HGSNAT: variants seen among roughly 807,000 people sequenced by gnomAD.
The protein encoded by HGSNAT is heparan-alpha-glucosaminide N-acetyltransferase, also known as transmembrane protein 76.
HGSNAT carries 59 observed loss-of-function variants against 85.2 expected under a neutral mutation model. The ratio of observed to expected loss-of-function variants is 0.69; its 90% CI spans 0.56 to 0.86. HGSNAT has a LOEUF of 0.86. Among genes scored for constraint, HGSNAT ranks in the 40% least tolerant of loss-of-function variants. HGSNAT has a pLI of 0.00. For synonymous variants in HGSNAT, 321 were observed against 304.5 expected, an observed-to-expected ratio of 1.05 and a Z score of -0.56; for missense variants, 756 against 777.1, an observed-to-expected ratio of 0.97 and a Z score of 0.32.
At chr8:43,146,802 A>T in intron 1 of HGSNAT, 146 bp from the exon 2 acceptor site, 1 of 586,984 alleles carries the variant, frequency 1.7e-6, no homozygotes, top group East Asian at 2.8e-5. Context: ...TACACAAAGT[A>T]ATGTGTGAGA....
chr8:43,191,586 G>A lies in HGSNAT; in HGVS notation c.1241G>A (p.Gly414Glu). The A allele has an allele frequency of 3.7e-6, 6 of 1,613,856 alleles. No individual in the cohort carries two copies. The highest frequency in any genetic ancestry group is 5.1e-6 in the Non-Finnish European group (6 of 1,179,816). ...TTGACATTCCTCCTGCCAGTCCCTGGGTGCCCTACGTAAGCGAACCCCTGG... is the reference window on the plus strand; with the variant it reads ...TTGACATTCCTCCTGCCAGTCCCTGAGTGCCCTACGTAAGCGAACCCCTGG... The part of the protein sequence containing the change: ...LGLTFLLPVP[G>E]CPTGYLGPGG... Residue 414 changes from glycine to glutamate, a missense_variant, in exon 12 of 18, where the codon GGG becomes GAG. Physicochemically the swap from Gly to Glu is moderately conservative, Grantham distance 98 (BLOSUM62 -2). Transcript: ENST00000379644.
intron 11 of HGSNAT, among the ~76,000 whole-genome samples, chr8:43,185,622 C>T (rs1342757753): frequency 6.6e-6 from 1 of 152,108 alleles, no homozygotes; most frequent in Non-Finnish European, 1.5e-5. Context: ...AATTGAATAC[C>T]TTTTATTTCT....
chr8:43,179,869 G>A (rs1803987060), intron 10 of HGSNAT, among the ~76,000 whole-genome samples: 1 of 71,182 alleles, frequency 1.4e-5, no homozygotes, highest in Non-Finnish European at 3.0e-5. Context: ...CAGACGGGGC[G>A]GCTGGCCGGG....
Position 43,196,590 on chromosome 8 carries a change from A to C in HGSNAT, c.1465-358A>C, listed in dbSNP as rs559055342. 28 of 1,133,836 alleles carry C rather than the reference A, an allele frequency of 2.5e-5. No individual in the cohort carries two copies. In the Admixed American group the frequency reaches 5.5e-4, roughly 22 times the overall value. The allele number at this position is 1,133,836 out of a possible 1,614,324, so 70.2% of individuals were successfully genotyped here. A position where few individuals can be genotyped will look rare whatever the true frequency, so the allele number is the denominator to read the frequency against. On this transcript the variant is annotated intron_variant, in intron 14 of 17. Coordinates refer to ENST00000379644, the MANE Select transcript of HGSNAT (RefSeq NM_152419.3). ...TGACCTGGGCTTCTGCATTCCCTGC[A>C]GCAGTGGAGATGTGGTGTGGCTACC... is the stretch of plus-strand genomic sequence containing the variant.
intron 9 of HGSNAT, among the ~76,000 whole-genome samples, chr8:43,174,750 C>T (rs1202732928): frequency 6.6e-6 from 1 of 152,084 alleles, no homozygotes; most frequent in Admixed American, 6.5e-5. Flanking sequence ...CAGGCATTTA[C>T]CATTTTGTGT....
chr8:43,152,013 A>G (rs913425948), intron 2 of HGSNAT, among the ~76,000 whole-genome samples: 4 of 152,200 alleles, frequency 2.6e-5, no homozygotes, highest in African/African-American at 9.6e-5. Context: ...GGGAGGCTGG[A>G]TGCAGTGGTT....
At chr8:43,187,967 G>A (rs1363110088) in intron 11 of HGSNAT, among the ~76,000 whole-genome samples, 1 of 152,168 alleles carries the variant, frequency 6.6e-6, no homozygotes, top group African/African-American at 2.4e-5. Flanking sequence ...GTTGGATATT[G>A]GCCCCCACTG....
At chr8:43,190,034 A>G (rs1487357808) in intron 11 of HGSNAT, among the ~76,000 whole-genome samples, 2 of 152,228 alleles carry the variant, frequency 1.3e-5, no homozygotes, top group Non-Finnish European at 2.9e-5. Flanking sequence ...ACGTTTTGGT[A>G]TCTGTTCAAA....
At chr8:43,163,673 G>A (rs1268817436) in intron 5 of HGSNAT, among the ~76,000 whole-genome samples, 2 of 151,958 alleles carry the variant, frequency 1.3e-5, no homozygotes, top group Non-Finnish European at 1.5e-5. Flanking sequence ...TTACAGGCAC[G>A]TGACACCATG....
At chr8:43,158,778 CT>C in intron 3 of HGSNAT, 67 bp downstream of exon 3, 4 of 1,521,928 alleles carry the variant, frequency 2.6e-6, no homozygotes, top group Admixed American at 2.2e-5. Context: ...TTGGTTTTAG[CT>C]TTTTTTCTCT....
At chr8:43,146,056 C>G (rs899551851) in intron 1 of HGSNAT, among the ~76,000 whole-genome samples, 1 of 152,090 alleles carries the variant, frequency 6.6e-6, no homozygotes, top group African/African-American at 2.4e-5. Context: ...CAAATTGGCA[C>G]ACGTGATTTT....
chr8:43,194,103 A>C (rs1009053594), intron 14 of HGSNAT: 3 of 1,228,670 alleles, frequency 2.4e-6, no homozygotes, highest in Non-Finnish European at 3.1e-6. Context: ...TTTCTAGATA[A>C]AAGGTTTCCC....
At position 43,140,566 on chromosome 8, in the gene HGSNAT, GCC is replaced by G; in HGVS notation, c.74_75del (p.Pro25ArgfsTer35). 8.2e-7 allele frequency: 1 copy of G among 1,219,960 alleles called. No individual in the cohort carries two copies. The highest frequency in any genetic ancestry group is 4.0e-5 in the East Asian group (1 of 25,070). The allele number at this position is 1,219,960 out of a possible 1,614,324, so 75.6% of individuals were successfully genotyped here. ...GTCCGTGCTGAGCGCCGCGCTGCTG[GCC>G]CCCGGCGGCTCTTCGGGGCGCGATG... Reference protein sequence around the residue: ...AASVLSAALLAPGGSSGRDAQ... With the variant: ...AASVLSAALLXPGGSSGRDAQ... On this transcript the variant is annotated frameshift_variant, in exon 1 of 18. Coordinates refer to ENST00000379644, the MANE Select transcript of HGSNAT (RefSeq NM_152419.3). LOFTEE classifies it high-confidence loss of function.
At chr8:43,195,628 G>A (rs1305233957) in intron 14 of HGSNAT, among the ~76,000 whole-genome samples, 1 of 43,778 alleles carries the variant, frequency 2.3e-5, no homozygotes, top group Non-Finnish European at 5.6e-5. Flanking sequence ...GAGGAGGATG[G>A]GGTGGAGGAA....
rs372055513 is a variant in HGSNAT, at chr8:43,158,618, C to G, written c.278C>G (p.Ala93Gly). 2.5e-6 allele frequency: 4 copies of G among 1,613,958 alleles called. No homozygotes were observed. Among genetic ancestry groups the G allele is most frequent in the Non-Finnish European group, 3.4e-6 (4 of 1,179,858 alleles). ...GTAAACGTTCCTCAGAGTCCAAAAG[C>G]AGGGAAGCCTAGTGCTGCAGCTGCC... is the stretch of plus-strand genomic sequence containing the variant. ...VLVNVPQSPK[A>G]GKPSAAAASV... The change falls in exon 3 of 18, where the codon GCA becomes GGA. Residue 93 changes from alanine to glycine, a missense_variant. Physicochemically the swap from Ala to Gly is moderately conservative, Grantham distance 60. Coordinates refer to ENST00000379644, the MANE Select transcript of HGSNAT (RefSeq NM_152419.3).
At chr8:43,158,750 ATTTTCTCTTTTTCTAT>A (rs764982315) in intron 3 of HGSNAT, 39 bp downstream of exon 3, 1 of 1,551,918 alleles carries the variant, frequency 6.4e-7, no homozygotes, top group Non-Finnish European at 8.7e-7. Flanking sequence ...TGAAGTCTGC[ATTTTCTCTTTTTCTAT>A]TTTGGTTTTA....
At chr8:43,140,993 G>A (rs995238375) in intron 1 of HGSNAT, among the ~76,000 whole-genome samples, 4 of 152,224 alleles carry the variant, frequency 2.6e-5, no homozygotes, top group East Asian at 1.9e-4. Context: ...GATCGGGGGG[G>A]CTCGGACTCC....
chr8:43,190,632 G>A (rs1224324625), intron 11 of HGSNAT, among the ~76,000 whole-genome samples: 2 of 152,216 alleles, frequency 1.3e-5, no homozygotes, highest in Admixed American at 1.3e-4. Context: ...AGGGTCAGGG[G>A]TTCAGTGGGA....
chr8:43,170,717 C>T, intron 7 of HGSNAT, 23 bp downstream of exon 7: 1 of 1,471,528 alleles, frequency 6.8e-7, no homozygotes, highest in Admixed American at 2.0e-5. Flanking sequence ...CCCTGTAGCA[C>T]AGTGGGTGCA....
Sources: gnomAD v4.1 joint callset for allele counts (sites outside exome capture counted in the v4.1 genomes callset) on GRCh38, gnomAD v4.1.1 for gene constraint, MANE v1.5 for transcripts, NCBI Gene and HGNC (gene_info 2026-07-23, HGNC 2026-07-21) for gene names.